HSD17B3: variants seen among roughly 807,000 people sequenced by gnomAD.
The protein encoded by HSD17B3 is 17-beta-hydroxysteroid dehydrogenase type 3.
A neutral mutation model predicts 41.1 loss-of-function variants in HSD17B3; 29 were observed. The observed-to-expected ratio is 0.71, with a 90% confidence interval of 0.53 to 0.96. The LOEUF (loss-of-function observed/expected upper bound fraction) is 0.96, where lower values mean the gene tolerates loss of function less well. HSD17B3 is among the 40% of genes least tolerant of loss of function. The pLI is 0.00. For missense variants in HSD17B3, 323 were observed against 374.6 expected (o/e 0.86, Z 1.14); for synonymous variants, 126 against 145.6 (o/e 0.87, Z 0.97).
In HSD17B3 at chr9:96,248,061, G is replaced by A. The variant is rs1373477069; in HGVS notation, c.490-1471C>T. On this transcript the variant is annotated intron_variant, in intron 6 of 10. Coordinates refer to ENST00000375263, the MANE Select transcript of HSD17B3 (RefSeq NM_000197.2). Reference sequence around the variant, plus strand: ...CAAATCAAAGCATTTCTCTGCTAAAGGAGTCAGAGGGTTGTCAAGTGCATT... The same window carrying A: ...CAAATCAAAGCATTTCTCTGCTAAAAGAGTCAGAGGGTTGTCAAGTGCATT... 3.9e-5 allele frequency among the ~76,000 whole-genome samples: 6 copies of A among 152,136 alleles called. No homozygotes were observed. The East Asian group carries it at 1.2e-3, about 29-fold the overall frequency.
At chr9:96,288,316 C>T (rs554775172) in intron 2 of HSD17B3, among the ~76,000 whole-genome samples, 8 of 152,340 alleles carry the variant, frequency 5.3e-5, no homozygotes, top group African/African-American at 1.9e-4. Context: ...AACTGACCCA[C>T]ATGTATATGA....
chr9:96,301,966 T>C lies in HSD17B3; in HGVS notation c.139A>G (p.Met47Val), dbSNP rs191153391. 89 of 1,614,034 alleles carry C rather than the reference T, an allele frequency of 5.5e-5. No individual in the cohort carries two copies. Among genetic ancestry groups the C allele is most frequent in the East Asian group, 4.0e-4 (18 of 44,870 alleles). Residue 47 changes from methionine to valine, a missense_variant, in exon 1 of 11, where the codon ATG (methionine) becomes GTG (valine). Met to Val is a conservative substitution (Grantham distance 21). Transcript: ENST00000375263. ...KVLPKSFLRS[M>V]GQWAVITGAG... is the part of the protein sequence containing the mutation. Reference sequence around the variant, plus strand: ...ACTCCCTTACCTGCCCACTGTCCCATTGACCGCAAGAAAGACTTTGGCAAA... The same window carrying C: ...ACTCCCTTACCTGCCCACTGTCCCACTGACCGCAAGAAAGACTTTGGCAAA...
intron 6 of HSD17B3, among the ~76,000 whole-genome samples, chr9:96,247,595 T>G (rs1836720566): frequency 6.6e-6 from 1 of 152,154 alleles, no homozygotes; most frequent in African/African-American, 2.4e-5. Flanking sequence ...AACACTGGAT[T>G]TTGGGGAAGA....
At chr9:96,259,438 C>T (rs1419157264) in intron 2 of HSD17B3, among the ~76,000 whole-genome samples, 4 of 152,046 alleles carry the variant, frequency 2.6e-5, no homozygotes, top group Non-Finnish European at 4.4e-5. Flanking sequence ...AAGTGTGTGG[C>T]GTGGCCGGGC....
chr9:96,276,761 G>C (rs1826473954), intron 2 of HSD17B3, among the ~76,000 whole-genome samples: 2 of 152,030 alleles, frequency 1.3e-5, no homozygotes, highest in Non-Finnish European at 2.9e-5. Context: ...CACCCCAAAG[G>C]GATTAAAGAC....
intron 2 of HSD17B3, among the ~76,000 whole-genome samples, chr9:96,288,522 T>G (rs553089676): frequency 6.6e-6 from 1 of 152,154 alleles, no homozygotes; most frequent in East Asian, 1.9e-4. Context: ...AGCTCATTTC[T>G]GTAATCCTAG....
At position 96,235,558 on chromosome 9, in the gene HSD17B3, T is replaced by A; in HGVS notation, c.835A>T (p.Ser279Cys). Residue 279 changes from serine to cysteine, a missense_variant, in exon 11 of 11, where the codon AGC becomes TGC. Transcript: ENST00000375263. ...TAGAAGGCCCAGGCCGGGATCAGGC[T>A]CAGAAAGCCCGCCTTAAACAGAGAG... ...LAHEILAGFL[S>C]LIPAWAFYSG... 6.2e-7 allele frequency: 1 copy of A among 1,613,930 alleles called. No individual in the cohort carries two copies. The highest frequency in any genetic ancestry group is 8.5e-7 in the Non-Finnish European group (1 of 1,179,948).
chr9:96,301,925 A>G lies in HSD17B3; in HGVS notation c.154+26T>C, dbSNP rs776847871. On this transcript the variant is annotated intron_variant, in intron 1 of 10. Coordinates refer to ENST00000375263, the MANE Select transcript of HSD17B3 (RefSeq NM_000197.2). ...ACAAGCAGGAACAACAGCAGCAAAA[A>G]AACATGAGATGGAACACTCCCTTAC... 13 of 1,612,778 alleles carry G rather than the reference A, an allele frequency of 8.1e-6. 1 individual carries two copies. The South Asian group carries it at 1.4e-4, about 18-fold the overall frequency.
chr9:96,250,924 A>G (rs1369885696), intron 5 of HSD17B3, among the ~76,000 whole-genome samples: 2 of 152,018 alleles, frequency 1.3e-5, no homozygotes. Flanking sequence ...TCCATTAAAA[A>G]TGTACTCCCA....
intron 3 of HSD17B3, among the ~76,000 whole-genome samples, chr9:96,254,056 G>A (rs1825532749): frequency 6.6e-6 from 1 of 152,122 alleles, no homozygotes; most frequent in African/African-American, 2.4e-5. Flanking sequence ...TTGAGTTAAA[G>A]AGTTTGTTAA....
At chr9:96,244,663 C>CAA in intron 8 of HSD17B3, among the ~76,000 whole-genome samples, 1 of 145,586 alleles carries the variant, frequency 6.9e-6, no homozygotes, top group African/African-American at 2.5e-5. Context: ...GTCCTCACCA[C>CAA]AAAAAAAAAA....
intron 2 of HSD17B3, among the ~76,000 whole-genome samples, chr9:96,264,555 T>C (rs1490780185): frequency 6.6e-6 from 1 of 152,158 alleles, no homozygotes; most frequent in African/African-American, 2.4e-5. Flanking sequence ...GTATTTTTAG[T>C]AGAGACGGGG....
chr9:96,266,802 C>A (rs1327890435), intron 2 of HSD17B3, among the ~76,000 whole-genome samples: 1 of 152,074 alleles, frequency 6.6e-6, no homozygotes, highest in African/African-American at 2.4e-5. Flanking sequence ...GAGGACAGGG[C>A]CCTCTCCGAG....
At chr9:96,259,884 G>C (rs1295753138) in intron 2 of HSD17B3, among the ~76,000 whole-genome samples, 1 of 152,192 alleles carries the variant, frequency 6.6e-6, no homozygotes, top group Admixed American at 6.5e-5. Flanking sequence ...CTGTTCATCA[G>C]TATTTGGTTT....
intron 2 of HSD17B3, among the ~76,000 whole-genome samples, chr9:96,259,231 G>A (rs1025939559): frequency 2.6e-5 from 4 of 152,234 alleles, no homozygotes; most frequent in Non-Finnish European, 5.9e-5. Flanking sequence ...CTACGGAAGA[G>A]AGAGTAGGCA....
At chr9:96,245,756 G>C (rs1306674140) in intron 7 of HSD17B3, among the ~76,000 whole-genome samples, 1 of 152,184 alleles carries the variant, frequency 6.6e-6, no homozygotes, top group Non-Finnish European at 1.5e-5. Context: ...CTCAGCTCAG[G>C]ATTTAAGGGG....
chr9:96,284,861 C>T (rs1011113872), intron 2 of HSD17B3, among the ~76,000 whole-genome samples: 10 of 131,886 alleles, frequency 7.6e-5, no homozygotes, highest in East Asian at 2.2e-4. Flanking sequence ...TTTTTTGAAA[C>T]GGAGTCTTGC....
intron 3 of HSD17B3, among the ~76,000 whole-genome samples, chr9:96,253,148 T>C (rs1296095822): frequency 6.6e-6 from 1 of 152,120 alleles, no homozygotes; most frequent in Non-Finnish European, 1.5e-5. Flanking sequence ...TTAAGATAGA[T>C]TTACTGCAGC....
chr9:96,293,246 T>A (rs892563885), intron 2 of HSD17B3, among the ~76,000 whole-genome samples: 1 of 152,234 alleles, frequency 6.6e-6, no homozygotes, highest in Non-Finnish European at 1.5e-5. Flanking sequence ...TATCTTTATA[T>A]GAGATTAACA....
Sources: allele counts gnomAD v4.1 joint callset (sites outside exome capture counted in the v4.1 genomes callset), GRCh38; gene constraint gnomAD v4.1.1; transcripts MANE v1.5; gene names NCBI Gene and HGNC (gene_info 2026-07-23, HGNC 2026-07-21).